Variants in HEMK2 observed in about 807,000 individuals in gnomAD.
HEMK2 encodes HemK methyltransferase 2, ETF1 glutamine and histone H4 lysine, also known as methyltransferase HEMK2.
chr21:28,878,210 T>C, the HEMK2 span: 2 of 1,586,178 alleles, frequency 1.3e-6, no homozygotes, highest in Middle Eastern at 1.7e-4. Context: ...TTTTCTTTAA[T>C]GGTAACTAAA....
chr21:28,673,047 G>C, the HEMK2 span, among the ~76,000 whole-genome samples: 1 of 149,286 alleles, frequency 6.7e-6, no homozygotes, highest in Non-Finnish European at 1.5e-5. Flanking sequence ...GAGGGAGGGA[G>C]GAAGGAAAGA....
At chr21:28,710,395 AC>A in the HEMK2 span, among the ~76,000 whole-genome samples, 2 of 152,218 alleles carry the variant, frequency 1.3e-5, no homozygotes, top group Non-Finnish European at 2.9e-5. Flanking sequence ...ACACAAACCC[AC>A]CAAGACTTTA....
At chr21:28,593,471 T>C in the HEMK2 span, among the ~76,000 whole-genome samples, 5 of 152,174 alleles carry the variant, frequency 3.3e-5, no homozygotes, top group Non-Finnish European at 7.3e-5. Context: ...ACATGAGCAA[T>C]GAGTAGACCC....
At chr21:28,882,355 G>C in the HEMK2 span, 9 of 572,410 alleles carry the variant, frequency 1.6e-5, no homozygotes, top group South Asian at 2.0e-4. Context: ...AACAGATTTA[G>C]AAAAAAAAAA....
At chr21:28,809,505 G>A in the HEMK2 span, among the ~76,000 whole-genome samples, 5 of 152,136 alleles carry the variant, frequency 3.3e-5, no homozygotes, top group African/African-American at 4.8e-5. Context: ...AACAGTTCAT[G>A]TAAGAGCTGA....
chr21:28,839,000 T>TATATATATATATATATATACAC, the HEMK2 span, among the ~76,000 whole-genome samples: 2 of 57,998 alleles, frequency 3.4e-5, no homozygotes, highest in Non-Finnish European at 6.5e-5. Flanking sequence ...TATATATATA[T>TATATATATATATATATATACAC]ACATATATAT....
At chr21:28,855,972 G>A in the HEMK2 span, among the ~76,000 whole-genome samples, 3,763 of 151,834 alleles carry the variant, frequency 0.025, 104 homozygotes, top group Non-Finnish European at 0.035. Context: ...AAACAAGACC[G>A]AACCAAACTA....
the HEMK2 span, among the ~76,000 whole-genome samples, chr21:28,627,178 G>A: frequency 6.6e-6 from 1 of 152,150 alleles, no homozygotes; most frequent in Non-Finnish European, 1.5e-5. Flanking sequence ...TGAGATTCTA[G>A]AACAGGTAAC....
At chr21:28,725,875 A>G in the HEMK2 span, among the ~76,000 whole-genome samples, 34 of 152,346 alleles carry the variant, frequency 2.2e-4, no homozygotes, top group Non-Finnish European at 4.4e-4. Context: ...AGTAGTTGCT[A>G]AAAGTGACTT....
At chr21:28,579,014 A>T in the HEMK2 span, among the ~76,000 whole-genome samples, 1 of 152,310 alleles carries the variant, frequency 6.6e-6, no homozygotes, top group South Asian at 2.1e-4. Context: ...TGGTGGAGTT[A>T]TGGACTCCAG....
chr21:28,885,219 G>C, the HEMK2 span: 11 of 1,579,036 alleles, frequency 7.0e-6, no homozygotes, highest in South Asian at 9.0e-5. Flanking sequence ...CACCCTGCCA[G>C]TTCGGCAGCC....
At chr21:28,591,702 A>T in the HEMK2 span, among the ~76,000 whole-genome samples, 1 of 151,312 alleles carries the variant, frequency 6.6e-6, no homozygotes, top group African/African-American at 2.4e-5. Flanking sequence ...CCCTTTTCCC[A>T]CCCTCCACCC....
At chr21:28,622,088 T>C in the HEMK2 span, among the ~76,000 whole-genome samples, 2 of 152,152 alleles carry the variant, frequency 1.3e-5, no homozygotes, top group African/African-American at 4.8e-5. Flanking sequence ...GTGAGATGGG[T>C]CAGCCCAAAA....
chr21:28,872,155 T>A, the HEMK2 span: 1 of 152,144 alleles, frequency 6.6e-6, no homozygotes, highest in African/African-American at 2.4e-5. Flanking sequence ...GGTTATCACA[T>A]GACCAGAAAA....
At chr21:28,660,472 T>A in the HEMK2 span, among the ~76,000 whole-genome samples, 1 of 151,494 alleles carries the variant, frequency 6.6e-6, no homozygotes, top group Non-Finnish European at 1.5e-5. Context: ...AAACTATCTA[T>A]ACTAAGAATT....
At chr21:28,865,689 T>G in the HEMK2 span, among the ~76,000 whole-genome samples, 1 of 152,008 alleles carries the variant, frequency 6.6e-6, no homozygotes, top group African/African-American at 2.4e-5. Flanking sequence ...GACTCTGAAG[T>G]CTCTAGGCCT....
At chr21:28,877,176 A>G in the HEMK2 span, among the ~76,000 whole-genome samples, 1 of 129,938 alleles carries the variant, frequency 7.7e-6, no homozygotes, top group Non-Finnish European at 1.7e-5. Flanking sequence ...GAAAGAAAGA[A>G]AGAGAGGGAG....
chr21:28,793,405 A>G, the HEMK2 span, among the ~76,000 whole-genome samples: 1 of 152,232 alleles, frequency 6.6e-6, no homozygotes, highest in Non-Finnish European at 1.5e-5. Context: ...GTGTGTGTAA[A>G]TATCCCCGGG....
the HEMK2 span, among the ~76,000 whole-genome samples, chr21:28,652,281 C>T: frequency 5.3e-5 from 8 of 152,186 alleles, no homozygotes; most frequent in African/African-American, 7.2e-5. Flanking sequence ...GGGGAAATCC[C>T]GATTAGCCTA....
Sources: allele counts gnomAD v4.1 joint callset (sites outside exome capture counted in the v4.1 genomes callset), GRCh38; gene constraint gnomAD v4.1.1; transcripts MANE v1.5; gene names NCBI Gene and HGNC (gene_info 2026-07-23, HGNC 2026-07-21).